The following UVRAG variants were observed in gnomAD, a reference collection of about 807,000 sequenced individuals.
UVRAG encodes UV radiation resistance-associated gene protein.
Under a neutral mutation model 78.0 loss-of-function variants are expected in UVRAG, and 19 were observed. The observed-to-expected ratio is 0.24, with a 90% CI of 0.17 to 0.36. UVRAG has a LOEUF of 0.36. UVRAG is among the 10% of genes least tolerant of loss of function. The pLI, the probability that UVRAG is intolerant of heterozygous loss-of-function variation, is 1.00. For missense variants in UVRAG, 740 were observed against 853.8 expected (o/e 0.87, Z 1.66); for synonymous variants, 323 against 324.6 (o/e 1.00, Z 0.05).
chr11:75,991,025 T>TA (rs1309644322), intron 8 of UVRAG, among the ~76,000 whole-genome samples: 5 of 152,216 alleles, frequency 3.3e-5, no homozygotes. Context: ...GATACTCTTA[T>TA]GAGAAAGACT....
intron 1 of UVRAG, among the ~76,000 whole-genome samples, chr11:75,827,467 T>C (rs900208004): frequency 1.2e-4 from 18 of 151,870 alleles, no homozygotes; most frequent in African/African-American, 4.4e-4. Flanking sequence ...AAAAATTAGC[T>C]GGGCGTGGTG....
At chr11:75,931,537 C>T (rs1324216429) in intron 6 of UVRAG, among the ~76,000 whole-genome samples, 4 of 152,176 alleles carry the variant, frequency 2.6e-5, no homozygotes, top group African/African-American at 4.8e-5. Context: ...AATCTGCATA[C>T]AATTTTTAAA....
chr11:76,064,022 C>A (rs569152487), intron 12 of UVRAG, among the ~76,000 whole-genome samples: 1 of 152,162 alleles, frequency 6.6e-6, no homozygotes, highest in Non-Finnish European at 1.5e-5. Context: ...TTCGATCTGT[C>A]TTTGCATTGC....
chr11:75,846,093 C>G (rs1489979697), intron 1 of UVRAG, among the ~76,000 whole-genome samples: 1 of 152,148 alleles, frequency 6.6e-6, no homozygotes, highest in Admixed American at 6.5e-5. Flanking sequence ...ACCATTAATT[C>G]TAAACAGACC....
intron 6 of UVRAG, 33 bp from the exon 7 acceptor site, chr11:75,961,411 T>C (rs1948908214): frequency 6.5e-7 from 1 of 1,536,976 alleles, no homozygotes; most frequent in Non-Finnish European, 8.8e-7. Flanking sequence ...TACTGTTAAC[T>C]CATTTACATT....
intron 6 of UVRAG, among the ~76,000 whole-genome samples, chr11:75,958,038 A>G (rs1367039758): frequency 6.6e-6 from 1 of 152,216 alleles, no homozygotes; most frequent in Admixed American, 6.5e-5. Flanking sequence ...AACAATGTAC[A>G]TACCTTAATT....
intron 12 of UVRAG, among the ~76,000 whole-genome samples, chr11:76,054,103 C>T (rs1300402949): frequency 6.6e-6 from 1 of 152,040 alleles, no homozygotes; most frequent in Non-Finnish European, 1.5e-5. Flanking sequence ...TACGGCACTT[C>T]ACCCCTCACA....
chr11:75,961,360 C>T, intron 6 of UVRAG, 84 bp from the exon 7 acceptor site: 2 of 992,868 alleles, frequency 2.0e-6, no homozygotes, highest in Non-Finnish European at 3.0e-6. Flanking sequence ...TCTATGTATC[C>T]TCCAGGTTTG....
At chr11:75,831,506 A>ACAAACAAAC (rs1555070303) in intron 1 of UVRAG, among the ~76,000 whole-genome samples, 1 of 151,706 alleles carries the variant, frequency 6.6e-6, no homozygotes, top group Non-Finnish European at 1.5e-5. Context: ...AAACAAACAA[A>ACAAACAAAC]AAAAAAAAAC....
At chr11:76,026,127 C>T (rs1164835954) in intron 12 of UVRAG, among the ~76,000 whole-genome samples, 6 of 152,118 alleles carry the variant, frequency 3.9e-5, no homozygotes, top group Non-Finnish European at 8.8e-5. Context: ...ATGGCCTCTT[C>T]TTGAAACAAT....
chr11:76,033,365 T>C (rs1950472280), intron 12 of UVRAG, among the ~76,000 whole-genome samples: 1 of 152,194 alleles, frequency 6.6e-6, no homozygotes, highest in Non-Finnish European at 1.5e-5. Context: ...TACTGATAAA[T>C]GAACCTAGTA....
At chr11:75,902,741 T>A (rs1452716422) in intron 5 of UVRAG, among the ~76,000 whole-genome samples, 1 of 152,100 alleles carries the variant, frequency 6.6e-6, no homozygotes, top group African/African-American at 2.4e-5. Context: ...TTCTTTGAAG[T>A]AGTTCTGGTA....
intron 6 of UVRAG, among the ~76,000 whole-genome samples, chr11:75,955,468 T>C (rs185839120): frequency 5.9e-4 from 90 of 152,240 alleles, no homozygotes; most frequent in Non-Finnish European, 1.0e-3. Context: ...CCTAAGAAAA[T>C]GAACCTCTCA....
intron 7 of UVRAG, among the ~76,000 whole-genome samples, chr11:75,972,464 C>CT (rs1488337818): frequency 1.3e-5 from 2 of 152,178 alleles, no homozygotes; most frequent in East Asian, 1.9e-4. Flanking sequence ...TCTTTCCTTT[C>CT]TTTTTTTGCA....
At chr11:75,883,369 C>CAAAAAAAAAA (rs561377655) in intron 4 of UVRAG, among the ~76,000 whole-genome samples, 2 of 48,260 alleles carry the variant, frequency 4.1e-5, no homozygotes, top group Admixed American at 2.5e-4. Flanking sequence ...TAACAGAGAA[C>CAAAAAAAAAA]AAAAAAAAAA....
intron 1 of UVRAG, among the ~76,000 whole-genome samples, chr11:75,828,695 GTGTA>G (rs1303911166): frequency 1.1e-4 from 6 of 53,816 alleles, no homozygotes; most frequent in Non-Finnish European, 2.2e-4. Context: ...ATACATGTGT[GTGTA>G]TATATATATA....
chr11:75,901,482 T>C (rs1191506020), intron 5 of UVRAG, among the ~76,000 whole-genome samples: 1 of 152,194 alleles, frequency 6.6e-6, no homozygotes, highest in African/African-American at 2.4e-5. Context: ...GAGATACATA[T>C]GCTCTCCATA....
At chr11:76,024,283 A>G (rs1023684273) in intron 12 of UVRAG, among the ~76,000 whole-genome samples, 4 of 152,192 alleles carry the variant, frequency 2.6e-5, no homozygotes, top group Non-Finnish European at 5.9e-5. Context: ...TTCAAGTAGC[A>G]TGCCCCAGTG....
rs145884248 is a variant in UVRAG, at chr11:76,073,099, T to C, written c.1305+7311T>C. 4.1e-3 allele frequency among the ~76,000 whole-genome samples: 621 copies of C among 152,292 alleles called. 1 individual carries two copies. Among genetic ancestry groups the C allele is most frequent in the Non-Finnish European group, 6.9e-3 (469 of 68,024 alleles). On this transcript the variant is annotated intron_variant, in intron 13 of 14. Coordinates refer to ENST00000356136, the MANE Select transcript of UVRAG (RefSeq NM_003369.4). ...ATAGTTTATATATATATATTTAAAA[T>C]GGGGTTCAATTAAGAATGTCCTTAA...
Sources: gnomAD v4.1 joint callset for allele counts (sites outside exome capture counted in the v4.1 genomes callset) on GRCh38, gnomAD v4.1.1 for gene constraint, MANE v1.5 for transcripts, NCBI Gene and HGNC (gene_info 2026-07-23, HGNC 2026-07-21) for gene names.